Variants in KAZN observed in about 807,000 individuals in gnomAD.
The protein encoded by KAZN is kazrin, periplakin interacting protein.
Under a neutral mutation model 87.4 loss-of-function variants are expected in KAZN, and 40 were observed. That is an observed-to-expected ratio of 0.46 (90% CI 0.36 to 0.60). The LOEUF (loss-of-function observed/expected upper bound fraction) is 0.60. Ranked by LOEUF, KAZN falls within the 20% of genes least tolerant of loss-of-function variation. KAZN has a pLI of 0.00. For synonymous variants in KAZN, 466 were observed against 458.3 expected, an observed-to-expected ratio of 1.02 and a Z score of -0.22; for missense variants, 898 against 1,073.9, an observed-to-expected ratio of 0.84 and a Z score of 2.29.
chr1:14,893,747 G>A (rs1164478738), intron 1 of KAZN, among the ~76,000 whole-genome samples: 1 of 152,150 alleles, frequency 6.6e-6, no homozygotes, highest in Non-Finnish European at 1.5e-5. Flanking sequence ...ATCTGTGCCC[G>A]CTTCAGCCTA....
At chr1:14,394,344 G>A (rs1423628685) in intron 2 of KAZN, among the ~76,000 whole-genome samples, 1 of 152,174 alleles carries the variant, frequency 6.6e-6, no homozygotes, top group Non-Finnish European at 1.5e-5. Flanking sequence ...ATATTCTCCT[G>A]GCCAGACTAT....
At chr1:14,684,377 C>T (rs773841316) in intron 1 of KAZN, among the ~76,000 whole-genome samples, 4 of 152,278 alleles carry the variant, frequency 2.6e-5, no homozygotes, top group East Asian at 1.9e-4. Flanking sequence ...CCCTGAATGC[C>T]GTTTTTCCCA....
At chr1:15,102,244 TA>T (rs568438633) in intron 11 of KAZN, among the ~76,000 whole-genome samples, 1 of 150,994 alleles carries the variant, frequency 6.6e-6, no homozygotes, top group Non-Finnish European at 1.5e-5. Flanking sequence ...TTTGCTATTT[TA>T]AAAAAAAAGA....
At chr1:14,973,348 A>G (rs1390299440) in intron 2 of KAZN, among the ~76,000 whole-genome samples, 2 of 152,222 alleles carry the variant, frequency 1.3e-5, no homozygotes, top group Non-Finnish European at 2.9e-5. Context: ...ACTCAAACAA[A>G]GGATTCTTAG....
At chr1:14,994,754 C>T (rs1346823955) in intron 2 of KAZN, among the ~76,000 whole-genome samples, 1 of 152,168 alleles carries the variant, frequency 6.6e-6, no homozygotes, top group Non-Finnish European at 1.5e-5. Flanking sequence ...GTCCTTTTGC[C>T]AGGGACTCAG....
chr1:14,727,498 A>G (rs1290022065), intron 1 of KAZN, among the ~76,000 whole-genome samples: 4 of 43,960 alleles, frequency 9.1e-5, no homozygotes, highest in East Asian at 7.7e-4. Flanking sequence ...TTTTTTTTTG[A>G]GAAAGAGTTT....
Position 14,598,984 on chromosome 1 carries a change from C to T in KAZN, c.-14C>T, listed in dbSNP as rs1210639848. The stretch of plus-strand genomic sequence containing the variant: ...CTTTGTCACCTCTCTCGCCCCCAGG[C>T]CAAAATCCTGAGCATGATGGAAGAC... On this transcript the variant is annotated 5_prime_UTR_variant, in exon 1 of 15. Coordinates refer to ENST00000376030, the MANE Select transcript of KAZN (RefSeq NM_201628.3). The surrounding 1 kb of genome is among the most constrained non-coding windows in gnomAD (Gnocchi z 4.2). 9 of 1,567,378 alleles carry T rather than the reference C, an allele frequency of 5.7e-6. No homozygotes were observed. The highest frequency in any genetic ancestry group is 6.9e-6 in the Non-Finnish European group (8 of 1,160,442).
At chr1:14,912,355 G>C (rs958556607) in intron 1 of KAZN, among the ~76,000 whole-genome samples, 3 of 152,100 alleles carry the variant, frequency 2.0e-5, no homozygotes, top group African/African-American at 7.2e-5. Context: ...GCCTGGAGCA[G>C]CCAGGGAGGT....
At chr1:13,902,162 G>T (rs951746075) in intron 1 of KAZN, among the ~76,000 whole-genome samples, 1 of 152,226 alleles carries the variant, frequency 6.6e-6, no homozygotes, top group African/African-American at 2.4e-5. Context: ...GAGATAATGG[G>T]GGCTGTTTTT....
intron 1 of KAZN, among the ~76,000 whole-genome samples, chr1:14,643,663 A>G (rs921237947): frequency 6.6e-6 from 1 of 152,292 alleles, no homozygotes; most frequent in East Asian, 1.9e-4. Context: ...AGAATGATTT[A>G]TATTCCTCTG....
rs1643883126 is a variant in KAZN at position 14,735,834 on chromosome 1, G to A, written c.226+136611G>A. On this transcript the variant is annotated intron_variant, in intron 1 of 14. Coordinates refer to ENST00000376030, the MANE Select transcript of KAZN (RefSeq NM_201628.3). This position sits in a 1 kb window ranked among gnomAD's most constrained non-coding sequence, Gnocchi z 4.3. ...TGTAAAAGGAACTTGCTGCTAAATA[G>A]CCACTTAATCCCCAGAGCCTTTGTG... is the stretch of plus-strand genomic sequence containing the variant. Among the ~76,000 whole-genome samples, 1 of 152,172 alleles carries A rather than the reference G, an allele frequency of 6.6e-6. No homozygotes were observed. Among genetic ancestry groups the A allele is most frequent in the African/African-American group, 2.4e-5 (1 of 41,440 alleles).
intron 1 of KAZN, among the ~76,000 whole-genome samples, chr1:14,825,228 G>T (rs1228295989): frequency 2.6e-5 from 4 of 152,242 alleles, no homozygotes; most frequent in African/African-American, 9.6e-5. Flanking sequence ...CTTTTGGGAT[G>T]TGTTTTATGA....
rs1646834457 is a variant in KAZN, at chr1:14,210,599, C to A, written c.249+30007C>A. Among the ~76,000 whole-genome samples the A allele has an allele frequency of 2.6e-5, 4 of 152,166 alleles. No individual in the cohort carries two copies. The South Asian group carries it at 8.3e-4, about 32-fold the overall frequency. ...TTTTTGGTTAGAACTAACCCCATTGCACTCTTAAAAATTACTAAGGACCCC... is the reference window on the plus strand; with the variant it reads ...TTTTTGGTTAGAACTAACCCCATTGAACTCTTAAAAATTACTAAGGACCCC... On this transcript the variant is annotated intron_variant, in intron 2 of 16. Coordinates refer to the KAZN transcript ENST00000636203.
chr1:14,316,111 C>A (rs924977009), intron 2 of KAZN, among the ~76,000 whole-genome samples: 1 of 151,846 alleles, frequency 6.6e-6, no homozygotes, highest in African/African-American at 2.4e-5. Context: ...TATTGGCATC[C>A]CTTTGTGGTT....
intron 2 of KAZN, among the ~76,000 whole-genome samples, chr1:14,379,486 C>A (rs1367455338): frequency 6.6e-6 from 1 of 152,092 alleles, no homozygotes; most frequent in African/African-American, 2.4e-5. Context: ...GTCTATGCAC[C>A]TTCCCTGGGG....
At chr1:14,347,763 A>G (rs1310727691) in intron 2 of KAZN, among the ~76,000 whole-genome samples, 1 of 152,124 alleles carries the variant, frequency 6.6e-6, no homozygotes, top group Non-Finnish European at 1.5e-5. Flanking sequence ...TGACTCCTAC[A>G]AAGTGAGTAG....
intron 2 of KAZN, among the ~76,000 whole-genome samples, chr1:14,993,215 C>G (rs1667526040): frequency 6.6e-6 from 1 of 150,838 alleles, no homozygotes; most frequent in Non-Finnish European, 1.5e-5. Context: ...CGCCTGTAAT[C>G]CCAGCACTCT....
At chr1:15,037,783 C>G (rs1672489770) in intron 3 of KAZN, among the ~76,000 whole-genome samples, 1 of 152,100 alleles carries the variant, frequency 6.6e-6, no homozygotes, top group Non-Finnish European at 1.5e-5. Context: ...TGGTCCCACA[C>G]AGACCCCAGT....
intron 1 of KAZN, among the ~76,000 whole-genome samples, chr1:14,740,372 TGAC>T (rs1428290958): frequency 6.6e-6 from 1 of 152,224 alleles, no homozygotes; most frequent in Non-Finnish European, 1.5e-5. Context: ...AATGTCATCC[TGAC>T]ATCCAGTCCC....
Sources: gnomAD v4.1 joint callset for allele counts (sites outside exome capture counted in the v4.1 genomes callset) on GRCh38, gnomAD v4.1.1 for gene constraint, Gnocchi (gnomAD v3.1) non-coding constraint, MANE v1.5 for transcripts, NCBI Gene and HGNC (gene_info 2026-07-23, HGNC 2026-07-21) for gene names.